The following RBL1 variants were observed in gnomAD, a reference collection of about 807,000 sequenced individuals.
RBL1 encodes RB transcriptional corepressor like 1, also known as retinoblastoma-like protein 1.
A neutral mutation model predicts 123.0 loss-of-function variants in RBL1; 82 were observed. The observed-to-expected ratio is 0.67, with a 90% CI of 0.56 to 0.80. The LOEUF is 0.80. Ranked by LOEUF, RBL1 falls within the 30% of genes least tolerant of loss-of-function variation. RBL1 has a pLI of 0.00. For missense variants in RBL1, 1,171 were observed against 1,299.6 expected, an observed-to-expected ratio of 0.90 and a Z score of 1.52; for synonymous variants, 405 against 441.3, an observed-to-expected ratio of 0.92 and a Z score of 1.03.
At chr20:37,002,336 G>GTTTTTTTTTTTTTTTTTTTTTTTTTT (rs965408801) in intron 21 of RBL1, among the ~76,000 whole-genome samples, 10 of 76,350 alleles carry the variant, frequency 1.3e-4, no homozygotes, top group Non-Finnish European at 2.0e-4. Context: ...AGCCTTATCT[G>GTTTTTTTTTTTTTTTTTTTTTTTTTT]TTTTTTTTTT....
At chr20:37,049,348 A>C in intron 11 of RBL1, 1 of 692,624 alleles carries the variant, frequency 1.4e-6, no homozygotes. Flanking sequence ...AAGATCCAGG[A>C]TAAGGAAGGA....
At chr20:37,052,178 G>A (rs2064926006) in intron 11 of RBL1, among the ~76,000 whole-genome samples, 1 of 151,460 alleles carries the variant, frequency 6.6e-6, no homozygotes, top group African/African-American at 2.4e-5. Flanking sequence ...GATTACAGGT[G>A]CACACCACTA....
intron 19 of RBL1, among the ~76,000 whole-genome samples, chr20:37,013,354 G>A (rs1004215960): frequency 5.3e-5 from 8 of 151,500 alleles, no homozygotes; most frequent in East Asian, 1.9e-4. Flanking sequence ...TAAGGGCGGT[G>A]CAAGATGTGC....
intron 6 of RBL1, among the ~76,000 whole-genome samples, chr20:37,065,902 C>T (rs2065170260): frequency 6.6e-6 from 1 of 152,184 alleles, no homozygotes; most frequent in Non-Finnish European, 1.5e-5. Flanking sequence ...GCGTGAGCCA[C>T]CGCGCCCAGT....
At chr20:37,012,445 A>G (rs2064169479) in intron 19 of RBL1, among the ~76,000 whole-genome samples, 1 of 145,830 alleles carries the variant, frequency 6.9e-6, no homozygotes, top group Non-Finnish European at 1.5e-5. Flanking sequence ...CCGCCATCCC[A>G]TCTACGAAGT....
Position 37,067,126 on chromosome 20 carries a change from A to C in RBL1, c.557-5T>G. On this transcript the variant is annotated splice_region_variant and splice_polypyrimidine_tract_variant and intron_variant, in intron 4 of 21. Transcript: ENST00000373664. ...CCCCAATCATCCGAAAATTACCTTT[A>C]TAAGGGAAAAAAAAAAAAAAAAGAC... 1 of 1,563,904 alleles carries C rather than the reference A, an allele frequency of 6.4e-7. No homozygotes were observed. Among genetic ancestry groups the C allele is most frequent in the Non-Finnish European group, 8.6e-7 (1 of 1,161,632 alleles).
chr20:37,015,790 A>G (rs1600467052), intron 19 of RBL1, among the ~76,000 whole-genome samples: 1 of 151,548 alleles, frequency 6.6e-6, no homozygotes, highest in South Asian at 2.1e-4. Context: ...CAGTGGCAGG[A>G]TCTTGGCTCA....
At position 36,998,249 on chromosome 20, in the gene RBL1, T is replaced by G. The variant is rs2063910080; in HGVS notation, c.*510A>C. On this transcript the variant is annotated 3_prime_UTR_variant, in exon 22 of 22. Transcript: ENST00000373664. ...ATATATATATATATATTTTTTGAGA[T>G]GGAGTTTTACTCTTGTTGCCCAGGC... 1 of 151,934 alleles carries G rather than the reference T, an allele frequency of 6.6e-6. No homozygotes were observed. The highest frequency in any genetic ancestry group is 2.1e-4 in the South Asian group (1 of 4,828). 9.4% of individuals were successfully genotyped at this position (151,934 alleles called of 1,614,324 possible). A position where few individuals can be genotyped will look rare whatever the true frequency, so the allele number is the denominator to read the frequency against.
intron 13 of RBL1, among the ~76,000 whole-genome samples, chr20:37,042,855 C>T (rs372030356): frequency 3.5e-5 from 5 of 142,456 alleles, no homozygotes; most frequent in Admixed American, 1.5e-4. Context: ...GCCGTGATGG[C>T]GCCACTGCAC....
At chr20:37,085,984 C>T (rs190434346) in intron 2 of RBL1, among the ~76,000 whole-genome samples, 73 of 152,084 alleles carry the variant, frequency 4.8e-4, no homozygotes, top group East Asian at 3.3e-3. Flanking sequence ...CTTGCTCTGT[C>T]GCCCAGGCTG....
rs1361364325 is a variant in RBL1 at position 37,007,574 on chromosome 20, G to A, written c.2723-15C>T. ...ATCTTCTAAGTCTGTTAAAAAGAAT[G>A]CAATGTTGTGATACAAAGCATACTT... is the stretch of plus-strand genomic sequence containing the variant. On this transcript the variant is annotated splice_polypyrimidine_tract_variant and intron_variant, in intron 19 of 21. Transcript: ENST00000373664. 1 of 1,608,442 alleles carries A rather than the reference G, an allele frequency of 6.2e-7. No individual in the cohort carries two copies. The highest frequency in any genetic ancestry group is 2.2e-5 in the East Asian group (1 of 44,842).
chr20:37,080,760 G>T (rs1373908286), intron 2 of RBL1, among the ~76,000 whole-genome samples: 1 of 152,042 alleles, frequency 6.6e-6, no homozygotes, highest in South Asian at 2.1e-4. Flanking sequence ...CGCCTGGCTC[G>T]CAATCTACTT....
At chr20:37,030,013 CCAATGCGATCTCCATATT>C (rs1282851800) in intron 16 of RBL1, among the ~76,000 whole-genome samples, 1 of 152,196 alleles carries the variant, frequency 6.6e-6, no homozygotes, top group Non-Finnish European at 1.5e-5. Flanking sequence ...TCAACACTAG[CCAATGCGATCTCCATATT>C]CAATGCAATC....
At chr20:37,066,466 A>G (rs2065177364) in intron 6 of RBL1, among the ~76,000 whole-genome samples, 1 of 151,794 alleles carries the variant, frequency 6.6e-6, no homozygotes, top group Non-Finnish European at 1.5e-5. Context: ...ATTCTTTACA[A>G]TTCTTTATCA....
chr20:37,022,519 G>A (rs2064356582), intron 17 of RBL1, 131 bp downstream of exon 17: 1 of 779,092 alleles, frequency 1.3e-6, no homozygotes, highest in Admixed American at 2.7e-5. Context: ...TAGAGATGAG[G>A]TTTCACCATG....
chr20:37,063,829 T>G (rs1422542726), intron 7 of RBL1, among the ~76,000 whole-genome samples: 4 of 108,898 alleles, frequency 3.7e-5, no homozygotes, highest in South Asian at 3.1e-4. Flanking sequence ...TTTTTTCTTG[T>G]TTTTTTTTTT....
intron 2 of RBL1, among the ~76,000 whole-genome samples, chr20:37,077,245 A>C (rs2065379195): frequency 6.6e-6 from 1 of 152,148 alleles, no homozygotes; most frequent in Non-Finnish European, 1.5e-5. Context: ...CCATCTATAT[A>C]TACATGTATA....
At chr20:37,018,234 G>A (rs2064287812) in intron 19 of RBL1, 45 bp downstream of exon 19, 1 of 1,558,932 alleles carries the variant, frequency 6.4e-7, no homozygotes, top group African/African-American at 1.4e-5. Context: ...TGTACAGTGT[G>A]ATCCAATGTG....
chr20:37,087,126 G>A (rs2065559319), intron 2 of RBL1, among the ~76,000 whole-genome samples: 1 of 152,172 alleles, frequency 6.6e-6, no homozygotes, highest in African/African-American at 2.4e-5. Context: ...CACAAGGTCA[G>A]GAGTTTGAGA....
Sources: gnomAD v4.1 joint callset for allele counts (sites outside exome capture counted in the v4.1 genomes callset) on GRCh38, gnomAD v4.1.1 for gene constraint, MANE v1.5 for transcripts, NCBI Gene and HGNC (gene_info 2026-07-23, HGNC 2026-07-21) for gene names.